CCDC30: variants seen among roughly 807,000 people sequenced by gnomAD.
The protein encoded by CCDC30 is coiled-coil domain-containing protein 30.
A neutral mutation model predicts 100.2 loss-of-function variants in CCDC30; 70 were observed. The observed-to-expected ratio is 0.70, with a 90% CI of 0.58 to 0.85. The LOEUF is 0.85. Among genes scored for constraint, CCDC30 ranks in the 40% least tolerant of loss-of-function variants. CCDC30 has a pLI of 0.00. For missense variants in CCDC30, 652 were observed against 771.2 expected (o/e 0.85, Z 1.83); for synonymous variants, 233 against 269.5 (o/e 0.86, Z 1.33).
exon 15 of CCDC30, chr1:42,646,266 G>T: frequency 6.5e-7 from 1 of 1,549,646 alleles, no homozygotes; most frequent in Non-Finnish European, 8.7e-7. Context: ...TCCAGCATGA[G>T]GATGAGTCAG....
At chr1:42,616,028 G>C (rs1221719902) in intron 11 of CCDC30, among the ~76,000 whole-genome samples, 1 of 151,978 alleles carries the variant, frequency 6.6e-6, no homozygotes, top group Non-Finnish European at 1.5e-5. Context: ...CGATTCTCCT[G>C]CCTCAGCCTC....
chr1:42,456,835 C>T, the CCDC30 span: 1 of 1,613,544 alleles, frequency 6.2e-7, no homozygotes, highest in Non-Finnish European at 8.5e-7. Flanking sequence ...GCTCTGCCTT[C>T]CCCTATGCCC....
intron 10 of CCDC30, among the ~76,000 whole-genome samples, chr1:42,607,322 G>A (rs1170323665): frequency 6.6e-6 from 1 of 152,098 alleles, no homozygotes; most frequent in Non-Finnish European, 1.5e-5. Flanking sequence ...AAAAAGGGTG[G>A]TTTGTTAATT....
intron 11 of CCDC30, among the ~76,000 whole-genome samples, chr1:42,623,815 G>T (rs1646884173): frequency 6.6e-6 from 1 of 152,084 alleles, no homozygotes; most frequent in South Asian, 2.1e-4. Context: ...TCTGTAGATT[G>T]CTTTTGGTAA....
intron 15 of CCDC30, among the ~76,000 whole-genome samples, chr1:42,650,311 C>G (rs377715365): frequency 1.3e-5 from 2 of 151,846 alleles, no homozygotes; most frequent in East Asian, 3.9e-4. Context: ...AGTTCAAGAC[C>G]AACATTGCAA....
intron 6 of CCDC30, among the ~76,000 whole-genome samples, chr1:42,541,303 G>A (rs907034523): frequency 6.6e-6 from 1 of 152,234 alleles, no homozygotes; most frequent in Non-Finnish European, 1.5e-5. Flanking sequence ...CTACAATCAT[G>A]AGGGCTGCAC....
Position 42,596,398 on chromosome 1 carries a change from G to T in CCDC30, c.1164+6915G>T, listed in dbSNP as rs1374070093. On this transcript the variant is annotated intron_variant, in intron 10 of 16. Coordinates refer to ENST00000668663, the Ensembl canonical transcript of CCDC30. The surrounding 1 kb of genome is among the most constrained non-coding windows in gnomAD (Gnocchi z 4.3). ...TGAAACTTCCTAACAGGGTCTGCCG[G>T]CAGGAGAAACTATTTAACCAGAGCC... Among the ~76,000 whole-genome samples, 4 of 152,122 alleles carry T rather than the reference G, an allele frequency of 2.6e-5. No individual in the cohort carries two copies. Among genetic ancestry groups the T allele is most frequent in the Non-Finnish European group, 4.4e-5 (3 of 68,018 alleles).
At chr1:42,595,608 G>A (rs1646271273) in intron 10 of CCDC30, 2 of 152,152 alleles carry the variant, frequency 1.3e-5, no homozygotes, top group South Asian at 4.1e-4. Context: ...TATAATAAGT[G>A]TCTAGTCCAC....
At chr1:42,484,318 A>T (rs1357934338) in intron 3 of CCDC30, among the ~76,000 whole-genome samples, 2 of 152,206 alleles carry the variant, frequency 1.3e-5, no homozygotes, top group African/African-American at 4.8e-5. Flanking sequence ...CATGCAATTT[A>T]TTCCTCAGTA....
chr1:42,528,955 A>G (rs914576708), intron 6 of CCDC30, among the ~76,000 whole-genome samples: 13 of 152,226 alleles, frequency 8.5e-5, no homozygotes. Context: ...AGAATAGTGT[A>G]TGTGTGTCTA....
chr1:42,584,965 G>A (rs72953732), intron 9 of CCDC30, among the ~76,000 whole-genome samples: 6,000 of 152,206 alleles, frequency 0.039, 402 homozygotes, highest in African/African-American at 0.14. Flanking sequence ...CAGAGAATTG[G>A]TATCATTTCT....
At chr1:42,564,823 A>G (rs371690066) in intron 6 of CCDC30, among the ~76,000 whole-genome samples, 25 of 152,002 alleles carry the variant, frequency 1.6e-4, no homozygotes, top group African/African-American at 6.0e-4. Context: ...GCATCTTCCC[A>G]TTCCATGCCT....
At chr1:42,500,538 C>T (rs987288082) in intron 6 of CCDC30, among the ~76,000 whole-genome samples, 1 of 151,976 alleles carries the variant, frequency 6.6e-6, no homozygotes, top group African/African-American at 2.4e-5. Flanking sequence ...CTCAGCTTCC[C>T]GAGTAGCTGG....
At chr1:42,512,878 C>T (rs528504592) in intron 6 of CCDC30, among the ~76,000 whole-genome samples, 1 of 152,292 alleles carries the variant, frequency 6.6e-6, no homozygotes, top group South Asian at 2.1e-4. Flanking sequence ...CTCCTCAGTA[C>T]ACCTCACCCC....
chr1:42,566,322 A>C lies in CCDC30; in HGVS notation c.483A>C (p.Lys161Asn), dbSNP rs201004242. The C allele has an allele frequency of 2.0e-5, 33 of 1,613,630 alleles. No individual in the cohort carries two copies. The South Asian group carries it at 3.4e-4, about 17-fold the overall frequency. ...ATCCATCATCTGGAGAAAAACTAAA[A>C]TACAACCAGCAAGGGGAAGTACAAC... Residue 161 changes from lysine to asparagine, a missense_variant, in exon 7 of 17, where the codon AAA becomes AAC. By Grantham distance (94) the Lys-to-Asn change is moderately conservative. Transcript: ENST00000668663.
At chr1:42,490,282 G>A (rs1363649811) in intron 4 of CCDC30, 53 bp downstream of exon 4, 2 of 823,446 alleles carry the variant, frequency 2.4e-6, no homozygotes, top group East Asian at 6.7e-5. Context: ...AAGAATGGTG[G>A]TACACGCCTG....
At chr1:42,525,024 A>G (rs1382407478) in intron 6 of CCDC30, among the ~76,000 whole-genome samples, 2 of 152,208 alleles carry the variant, frequency 1.3e-5, no homozygotes, top group Admixed American at 1.3e-4. Context: ...AGTTTTTGAC[A>G]AGCTCATAGT....
chr1:42,466,223 A>G (rs1254513899), intron 1 of CCDC30, among the ~76,000 whole-genome samples: 2 of 152,208 alleles, frequency 1.3e-5, no homozygotes, highest in East Asian at 3.9e-4. Context: ...GAGTCACTCA[A>G]AGACTTTGGA....
intron 6 of CCDC30, among the ~76,000 whole-genome samples, chr1:42,550,811 GT>G (rs1468392574): frequency 2.0e-5 from 3 of 152,112 alleles, no homozygotes; most frequent in Non-Finnish European, 4.4e-5. Context: ...TGAATCCTTA[GT>G]ATGTGGAGTA....
Sources: allele counts gnomAD v4.1 joint callset (sites outside exome capture counted in the v4.1 genomes callset), GRCh38; gene constraint gnomAD v4.1.1; non-coding constraint Gnocchi (gnomAD v3.1); transcripts MANE v1.5; gene names NCBI Gene and HGNC (gene_info 2026-07-23, HGNC 2026-07-21).